Variants in UCHL3 observed in about 807,000 individuals in gnomAD.
The protein encoded by UCHL3 is ubiquitin C-terminal hydrolase L3.
UCHL3 carries 22 observed loss-of-function variants against 35.8 expected under a neutral mutation model. The ratio of observed to expected loss-of-function variants is 0.61; its 90% confidence interval spans 0.44 to 0.88. The LOEUF is 0.88. UCHL3 is among the 40% of genes least tolerant of loss of function. The pLI, the probability that UCHL3 is intolerant of heterozygous loss-of-function variation, is 0.00. For missense variants in UCHL3, 229 were observed against 276.9 expected (o/e 0.83, Z 1.23); for synonymous variants, 90 against 92.8 (o/e 0.97, Z 0.17).
intron 2 of UCHL3, 76 bp downstream of exon 2, chr13:75,550,063 C>T: frequency 6.3e-7 from 1 of 1,598,312 alleles, no homozygotes; most frequent in Non-Finnish European, 8.6e-7. Flanking sequence ...TGGACTCCAC[C>T]TCCACGCTTC....
At chr13:75,599,036 C>T (rs1254859475) in intron 7 of UCHL3, among the ~76,000 whole-genome samples, 1 of 152,132 alleles carries the variant, frequency 6.6e-6, no homozygotes, top group Non-Finnish European at 1.5e-5. Context: ...GAAAGGAACC[C>T]CTTCAAACTG....
At chr13:75,558,479 T>C (rs901355917) in intron 2 of UCHL3, among the ~76,000 whole-genome samples, 1 of 152,240 alleles carries the variant, frequency 6.6e-6, no homozygotes, top group African/African-American at 2.4e-5. Flanking sequence ...ACCATCGTGT[T>C]TTATAACTTT....
intron 5 of UCHL3, 68 bp downstream of exon 5, chr13:75,567,380 G>A: frequency 1.4e-6 from 2 of 1,396,500 alleles, no homozygotes; most frequent in Non-Finnish European, 2.0e-6. Context: ...TGTGTTTGGG[G>A]GTTTTGTCTT....
At chr13:75,564,988 G>A (rs771622707) in intron 3 of UCHL3, among the ~76,000 whole-genome samples, 6 of 152,156 alleles carry the variant, frequency 3.9e-5, no homozygotes, top group East Asian at 1.9e-4. Context: ...GAGCTACTGC[G>A]CCCGGCCAGT....
At chr13:75,597,353 T>A (rs1456992170) in intron 7 of UCHL3, among the ~76,000 whole-genome samples, 1 of 150,836 alleles carries the variant, frequency 6.6e-6, no homozygotes, top group Non-Finnish European at 1.5e-5. Flanking sequence ...CTGGGTGACA[T>A]GGCAAGACGT....
At chr13:75,567,180 T>A (rs774503890) in intron 4 of UCHL3, 47 bp from the exon 5 acceptor site, 2 of 1,538,714 alleles carry the variant, frequency 1.3e-6, no homozygotes, top group South Asian at 1.1e-5. Context: ...TATTGGTCTC[T>A]CTGCTGTATC....
At chr13:75,569,197 G>T in intron 5 of UCHL3, 1 of 315,474 alleles carries the variant, frequency 3.2e-6, no homozygotes. Flanking sequence ...AAGTTAAATG[G>T]CCCCTACTTA....
chr13:75,559,808 C>T (rs562003980), intron 2 of UCHL3, among the ~76,000 whole-genome samples: 11 of 152,268 alleles, frequency 7.2e-5, no homozygotes, highest in African/African-American at 2.6e-4. Flanking sequence ...TTTGTTTCCT[C>T]TATTCCTTTT....
chr13:75,563,228 T>G (rs2031575738), intron 3 of UCHL3, among the ~76,000 whole-genome samples: 1 of 152,192 alleles, frequency 6.6e-6, no homozygotes, highest in Non-Finnish European at 1.5e-5. Context: ...CAATCTGGAG[T>G]GCAGTGGTGC....
At chr13:75,567,363 T>C (rs756790602) in intron 5 of UCHL3, 51 bp downstream of exon 5, 2 of 1,517,196 alleles carry the variant, frequency 1.3e-6, no homozygotes, top group African/African-American at 1.4e-5. Flanking sequence ...GTTTGTGGGA[T>C]TGTAGATGTG....
chr13:75,605,273 C>T (rs553311095), intron 8 of UCHL3, among the ~76,000 whole-genome samples: 4 of 152,216 alleles, frequency 2.6e-5, no homozygotes, highest in Admixed American at 6.5e-5. Context: ...TTTGGGAGGC[C>T]GAGGCGGGTG....
At chr13:75,583,721 G>A (rs1419836288) in intron 6 of UCHL3, among the ~76,000 whole-genome samples, 1 of 152,108 alleles carries the variant, frequency 6.6e-6, no homozygotes, top group Non-Finnish European at 1.5e-5. Context: ...TTACATTTAT[G>A]GTATGTCTAT....
intron 2 of UCHL3, among the ~76,000 whole-genome samples, chr13:75,557,283 C>T (rs1225218566): frequency 2.6e-5 from 4 of 151,592 alleles, no homozygotes; most frequent in Admixed American, 2.0e-4. Flanking sequence ...GGGTACTGCT[C>T]CTAGCTCCTC....
chr13:75,575,604 G>A (rs1221320227), intron 6 of UCHL3, among the ~76,000 whole-genome samples: 1 of 152,154 alleles, frequency 6.6e-6, no homozygotes, highest in Non-Finnish European at 1.5e-5. Flanking sequence ...TGAGGCAATT[G>A]AGGCACAGAA....
At chr13:75,598,374 T>G (rs979851578) in intron 7 of UCHL3, among the ~76,000 whole-genome samples, 1 of 152,236 alleles carries the variant, frequency 6.6e-6, no homozygotes, top group African/African-American at 2.4e-5. Context: ...GAAATTATTA[T>G]AACATTGATC....
chr13:75,574,291 T>TA (rs1361422675), intron 6 of UCHL3, among the ~76,000 whole-genome samples: 5 of 152,110 alleles, frequency 3.3e-5, no homozygotes, highest in African/African-American at 4.8e-5. Context: ...TATTTTTTTT[T>TA]ATGATAAAAT....
intron 6 of UCHL3, among the ~76,000 whole-genome samples, chr13:75,590,827 A>C (rs1287848666): frequency 6.6e-6 from 1 of 152,218 alleles, no homozygotes; most frequent in Admixed American, 6.5e-5. Flanking sequence ...TCTGCAAACT[A>C]TTAAAAATAC....
intron 7 of UCHL3, among the ~76,000 whole-genome samples, chr13:75,597,371 T>TA (rs71826804): frequency 8.1e-5 from 12 of 148,620 alleles, no homozygotes; most frequent in South Asian, 2.1e-4. Flanking sequence ...CGTCATCTCT[T>TA]AAAAAAAAAA....
chr13:75,561,777 TTCTG>T (rs1277853855), intron 3 of UCHL3, among the ~76,000 whole-genome samples: 1 of 149,200 alleles, frequency 6.7e-6, no homozygotes, highest in South Asian at 2.1e-4. Flanking sequence ...ATGTGTATGT[TTCTG>T]TGTGTGTGTA....
Sources: gnomAD v4.1 joint callset for allele counts (sites outside exome capture counted in the v4.1 genomes callset) on GRCh38, gnomAD v4.1.1 for gene constraint, MANE v1.5 for transcripts, NCBI Gene and HGNC (gene_info 2026-07-23, HGNC 2026-07-21) for gene names.